The following HIGD1C variants were observed in gnomAD, a reference collection of about 807,000 sequenced individuals.
The protein encoded by HIGD1C is HIG1 domain family member 1C.
Under a neutral mutation model 13.1 loss-of-function variants are expected in HIGD1C, and 11 were observed. The observed-to-expected ratio is 0.84, with a 90% CI of 0.53 to 1.39. The LOEUF is 1.39. HIGD1C is among the 40% of genes most tolerant of loss of function. The pLI is 0.00. For synonymous variants in HIGD1C, 36 were observed against 37.7 expected (o/e 0.95, Z 0.17); for missense variants, 110 against 112.0 (o/e 0.98, Z 0.08).
rs58493263 is a variant in HIGD1C at position 50,960,827 on chromosome 12, C to T, written c.95-141C>T. ...CCTCCTGAGTAGCTGGGACTACAGACGTGTATCACCATGTGTGGCTAATTT... is the reference window on the plus strand; with the variant it reads ...CCTCCTGAGTAGCTGGGACTACAGATGTGTATCACCATGTGTGGCTAATTT... On this transcript the variant is annotated intron_variant, in intron 1 of 2. Coordinates refer to ENST00000398455, the Ensembl canonical transcript of HIGD1C. 9.1e-3 allele frequency: 5,787 copies of T among 634,914 alleles called. 276 individuals are homozygous for T. In the African/African-American group the frequency reaches 0.098, roughly 11 times the overall value. 39.3% of individuals were successfully genotyped at this position (634,914 alleles called of 1,614,324 possible).
the HIGD1C span, among the ~76,000 whole-genome samples, chr12:50,941,479 T>C: frequency 2.0e-5 from 3 of 152,208 alleles, no homozygotes; most frequent in African/African-American, 7.2e-5. Context: ...CCTAAAAACA[T>C]GAGAATTAGG....
At chr12:50,958,364 C>T (rs1018810190) in intron 1 of HIGD1C, among the ~76,000 whole-genome samples, 15 of 150,264 alleles carry the variant, frequency 1.0e-4, no homozygotes, top group African/African-American at 3.4e-4. Context: ...TCACTGCAAG[C>T]TCTGCCTCCC....
At chr12:50,959,656 T>C (rs951609853) in intron 1 of HIGD1C, among the ~76,000 whole-genome samples, 4 of 152,166 alleles carry the variant, frequency 2.6e-5, no homozygotes, top group African/African-American at 9.7e-5. Flanking sequence ...TTGTTTGTTT[T>C]TTGTTTTTTA....
the HIGD1C span, chr12:50,935,064 T>G: frequency 6.6e-6 from 1 of 152,252 alleles, no homozygotes; most frequent in Non-Finnish European, 1.5e-5. Flanking sequence ...TTTTGTACTC[T>G]TGATCGTACC....
chr12:50,951,922 CAA>C (rs202149759), upstream of HIGD1C, among the ~76,000 whole-genome samples: 5 of 87,340 alleles, frequency 5.7e-5, no homozygotes, highest in Admixed American at 1.4e-4. Context: ...AACTCCATCT[CAA>C]AAAAAAAAAA....
At chr12:50,931,751 G>A in the HIGD1C span, 1 of 150,122 alleles carries the variant, frequency 6.7e-6, no homozygotes, top group African/African-American at 2.4e-5. Context: ...GAGACAGGGA[G>A]ACAGGGTCTC....
intron 2 of HIGD1C, 124 bp downstream of exon 4, chr12:50,961,226 ACTGAT>A (rs1386425093): frequency 1.6e-5 from 16 of 1,010,578 alleles, no homozygotes; most frequent in Non-Finnish European, 2.3e-5. Context: ...GGTAGGAAAG[ACTGAT>A]CTTCCCTTAG....
the HIGD1C span, chr12:50,935,545 G>A: frequency 6.6e-6 from 1 of 152,138 alleles, no homozygotes; most frequent in Non-Finnish European, 1.5e-5. Flanking sequence ...CTGTAATGAG[G>A]TGGTGTGATC....
chr12:50,965,438 T>G (rs1939504825), intron 2 of HIGD1C, among the ~76,000 whole-genome samples: 1 of 152,060 alleles, frequency 6.6e-6, no homozygotes, highest in Admixed American at 6.6e-5. Flanking sequence ...TTTACTATTT[T>G]TCCTTCCACT....
At chr12:50,958,795 T>C (rs1332910536) in intron 1 of HIGD1C, among the ~76,000 whole-genome samples, 2 of 151,372 alleles carry the variant, frequency 1.3e-5, no homozygotes, top group Non-Finnish European at 2.9e-5. Flanking sequence ...GGTGGGTGGA[T>C]CACTTGGGGC....
At chr12:50,947,568 C>A in the HIGD1C span, among the ~76,000 whole-genome samples, 1 of 152,186 alleles carries the variant, frequency 6.6e-6, no homozygotes, top group Admixed American at 6.5e-5. Context: ...CCAGGACAAT[C>A]TCTCAACTCA....
the HIGD1C span, among the ~76,000 whole-genome samples, chr12:50,945,282 G>A: frequency 6.6e-6 from 1 of 152,162 alleles, no homozygotes; most frequent in African/African-American, 2.4e-5. Flanking sequence ...TAGGAAAAGA[G>A]GAAGTCAAAT....
chr12:50,936,566 T>C, the HIGD1C span, among the ~76,000 whole-genome samples: 1 of 152,238 alleles, frequency 6.6e-6, no homozygotes, highest in Non-Finnish European at 1.5e-5. Flanking sequence ...GCAGTTTGCC[T>C]GACTCAGAAG....
At chr12:50,961,085 T>C in exon 2 of HIGD1C, 2 of 1,613,962 alleles carry the variant, frequency 1.2e-6, no homozygotes, top group South Asian at 2.2e-5. Context: ...GGATTTGTTG[T>C]TGGAGCTGTG....
At chr12:50,968,971 C>G (rs1010470704) in intron 2 of HIGD1C, among the ~76,000 whole-genome samples, 2 of 152,156 alleles carry the variant, frequency 1.3e-5, no homozygotes, top group Non-Finnish European at 2.9e-5. Context: ...GAGCCCCCAC[C>G]ACGCACCGCA....
chr12:50,942,161 C>A, the HIGD1C span, among the ~76,000 whole-genome samples: 2 of 152,186 alleles, frequency 1.3e-5, no homozygotes, highest in Non-Finnish European at 2.9e-5. Context: ...GGATTACAGG[C>A]GTGAGCCACC....
At chr12:50,952,103 C>A, upstream of HIGD1C, among the ~76,000 whole-genome samples, 1 of 137,384 alleles carries the variant, frequency 7.3e-6, no homozygotes, top group Non-Finnish European at 1.5e-5. Flanking sequence ...ATAATTGGGA[C>A]AACTGGTGAA....
Position 50,970,336 on chromosome 12 carries a change from T to C in HIGD1C, c.230-106T>C, listed in dbSNP as rs1245607302. ...TAGTAAGAAGGAGGGCCTTTGTTTG[T>C]TTCTGTTTAAATTGTGGGCTAGTTT... On this transcript the variant is annotated intron_variant, in intron 2 of 2. Coordinates refer to ENST00000398455, the Ensembl canonical transcript of HIGD1C. 7.0e-6 allele frequency: 5 copies of C among 712,024 alleles called. No individual in the cohort carries two copies. In the African/African-American group the frequency reaches 7.2e-5, roughly 10 times the overall value. 44.1% of individuals were successfully genotyped at this position (712,024 alleles called of 1,614,324 possible). A position where few individuals can be genotyped will look rare whatever the true frequency, so the allele number is the denominator to read the frequency against.
chr12:50,963,713 TAAG>T (rs1327138474), intron 2 of HIGD1C, among the ~76,000 whole-genome samples: 1 of 152,166 alleles, frequency 6.6e-6, no homozygotes, highest in East Asian at 1.9e-4. Flanking sequence ...CTTCCAGACA[TAAG>T]AAGAATTCGA....
Sources: gnomAD v4.1 joint callset for allele counts (sites outside exome capture counted in the v4.1 genomes callset) on GRCh38, gnomAD v4.1.1 for gene constraint, MANE v1.5 for transcripts, NCBI Gene and HGNC (gene_info 2026-07-23, HGNC 2026-07-21) for gene names.